RYR2: variants seen among roughly 807,000 people sequenced by gnomAD.
The protein encoded by RYR2 is ryanodine receptor 2, also known as cardiac muscle ryanodine receptor-calcium release channel.
Under a neutral mutation model 601.1 loss-of-function variants are expected in RYR2, and 227 were observed. That is an observed-to-expected ratio of 0.38 (90% CI 0.34 to 0.42). RYR2 has a LOEUF of 0.42. Among genes scored for constraint, RYR2 ranks in the 10% least tolerant of loss-of-function variants. RYR2 has a pLI of 1.00. For missense variants in RYR2, 4,646 were observed against 6,156.5 expected, an observed-to-expected ratio of 0.75 and a Z score of 8.21; for synonymous variants, 2,223 against 2,175.1, an observed-to-expected ratio of 1.02 and a Z score of -0.61.
intron 1 of RYR2, among the ~76,000 whole-genome samples, chr1:237,071,620 A>T (rs1391205714): frequency 7.3e-5 from 11 of 151,408 alleles, no homozygotes; most frequent in Admixed American, 7.2e-4. Flanking sequence ...ATAAACTCTT[A>T]CTCTGTGTTG....
intron 1 of RYR2, among the ~76,000 whole-genome samples, chr1:237,242,813 T>A (rs998350104): frequency 1.3e-5 from 2 of 152,190 alleles, no homozygotes; most frequent in Non-Finnish European, 2.9e-5. Flanking sequence ...CTCGAGTTAC[T>A]GATGATAGGA....
At chr1:237,663,213 G>T (rs498869) in intron 56 of RYR2, among the ~76,000 whole-genome samples, 1 of 152,262 alleles carries the variant, frequency 6.6e-6, no homozygotes, top group South Asian at 2.1e-4. Context: ...TCGTTTCTCC[G>T]TTACTTGCCT....
chr1:237,569,362 A>C (rs190141594), intron 29 of RYR2, 43 bp downstream of exon 29: 2 of 1,581,884 alleles, frequency 1.3e-6, no homozygotes, highest in Non-Finnish European at 1.7e-6. Flanking sequence ...TTTGCAGCAC[A>C]AGGAAGCTTT....
At chr1:237,811,739 T>C (rs935933659) in intron 100 of RYR2, among the ~76,000 whole-genome samples, 18 of 152,196 alleles carry the variant, frequency 1.2e-4, no homozygotes, top group African/African-American at 4.1e-4. Context: ...CCACACATAG[T>C]TGACAGCAGA....
At chr1:237,388,586 T>C (rs1209641881) in intron 10 of RYR2, among the ~76,000 whole-genome samples, 1 of 152,202 alleles carries the variant, frequency 6.6e-6, no homozygotes, top group Non-Finnish European at 1.5e-5. Context: ...TTTAGGACCC[T>C]TTGCTATGAC....
At chr1:237,760,869 T>TA in intron 83 of RYR2, 86 bp from the exon 84 acceptor site, 1 of 800,334 alleles carries the variant, frequency 1.2e-6, no homozygotes, top group South Asian at 1.6e-5. Context: ...TCTTCCAAGA[T>TA]ATATGGTGTT....
chr1:237,162,789 G>C (rs1269446796), intron 1 of RYR2, among the ~76,000 whole-genome samples: 4 of 152,144 alleles, frequency 2.6e-5, no homozygotes, highest in Non-Finnish European at 5.9e-5. Flanking sequence ...ATTTCCATAG[G>C]ATAGGGTTTT....
chr1:237,604,798 A>G (rs1676920077), intron 35 of RYR2, among the ~76,000 whole-genome samples: 1 of 152,182 alleles, frequency 6.6e-6, no homozygotes, highest in African/African-American at 2.4e-5. Flanking sequence ...AAACACCTCT[A>G]TGCAAATAAA....
At chr1:237,623,383 CTT>C (rs1164153613) in intron 38 of RYR2, among the ~76,000 whole-genome samples, 7 of 108,852 alleles carry the variant, frequency 6.4e-5, no homozygotes, top group African/African-American at 2.3e-4. Flanking sequence ...TTCTTTCTTT[CTT>C]TTTTTTTTTT....
At chr1:237,449,423 T>C (rs1437390740) in intron 14 of RYR2, among the ~76,000 whole-genome samples, 1 of 152,176 alleles carries the variant, frequency 6.6e-6, no homozygotes, top group African/African-American at 2.4e-5. Flanking sequence ...TCCCTCCCAG[T>C]TTTCGCACTT....
chr1:237,513,538 A>G (rs1666122705), intron 24 of RYR2, among the ~76,000 whole-genome samples: 1 of 152,188 alleles, frequency 6.6e-6, no homozygotes, highest in African/African-American at 2.4e-5. Context: ...TCAATGATGG[A>G]CTGCATATAT....
chr1:237,773,310 T>A (rs1341949690), intron 86 of RYR2, among the ~76,000 whole-genome samples: 1 of 152,218 alleles, frequency 6.6e-6, no homozygotes, highest in Non-Finnish European at 1.5e-5. Context: ...TCTTGTCTTC[T>A]CTTCAGTTGT....
intron 58 of RYR2, among the ~76,000 whole-genome samples, chr1:237,669,323 A>G (rs1573436367): frequency 2.0e-5 from 3 of 152,044 alleles, no homozygotes; most frequent in South Asian, 4.2e-4. Context: ...TCTTTTCCCC[A>G]CCTTTCCCCC....
At chr1:237,149,000 C>G (rs945042957) in intron 1 of RYR2, among the ~76,000 whole-genome samples, 3 of 152,168 alleles carry the variant, frequency 2.0e-5, no homozygotes, top group Non-Finnish European at 2.9e-5. Context: ...TTCCCAAGCT[C>G]TAGCTTCCTC....
intron 1 of RYR2, among the ~76,000 whole-genome samples, chr1:237,068,422 G>A (rs1262249519): frequency 3.3e-5 from 5 of 152,088 alleles, no homozygotes; most frequent in Non-Finnish European, 7.4e-5. Context: ...TTGTTATGTT[G>A]CCCATGTGCT....
chr1:237,792,973 C>G (rs181551450), intron 94 of RYR2, among the ~76,000 whole-genome samples: 1 of 152,300 alleles, frequency 6.6e-6, no homozygotes, highest in Admixed American at 6.5e-5. Flanking sequence ...TCCCCAGAGG[C>G]CTGCCAAGGG....
At chr1:237,359,579 AACATTATTCTGG>A (rs1277738745) in intron 4 of RYR2, among the ~76,000 whole-genome samples, 1 of 152,186 alleles carries the variant, frequency 6.6e-6, no homozygotes, top group Admixed American at 6.5e-5. Context: ...ATCTTCTGAT[AACATTATTCTGG>A]ATAGTTTCAT....
intron 11 of RYR2, among the ~76,000 whole-genome samples, chr1:237,421,989 C>T (rs1199573790): frequency 6.6e-6 from 1 of 151,962 alleles, no homozygotes; most frequent in Admixed American, 6.6e-5. Flanking sequence ...TCTACTCATT[C>T]GTTTTTAGTT....
intron 1 of RYR2, among the ~76,000 whole-genome samples, chr1:237,235,495 A>C (rs1041437464): frequency 6.6e-6 from 1 of 152,320 alleles, no homozygotes; most frequent in South Asian, 2.1e-4. Flanking sequence ...TGGTTCCCAG[A>C]TATTAGCCTC....
Sources: gnomAD v4.1 joint callset for allele counts (sites outside exome capture counted in the v4.1 genomes callset) on GRCh38, gnomAD v4.1.1 for gene constraint, MANE v1.5 for transcripts, NCBI Gene and HGNC (gene_info 2026-07-23, HGNC 2026-07-21) for gene names.